ROBO2: variants seen among roughly 807,000 people sequenced by gnomAD.
ROBO2 encodes the protein roundabout homolog 2.
Under a neutral mutation model 160.8 loss-of-function variants are expected in ROBO2, and 53 were observed. The observed-to-expected ratio is 0.33, with a 90% CI of 0.26 to 0.41. The LOEUF (loss-of-function observed/expected upper bound fraction) is 0.41, where lower values mean the gene tolerates loss of function less well. ROBO2 is among the 10% of genes least tolerant of loss of function. ROBO2 has a pLI of 1.00. For missense variants in ROBO2, 1,577 were observed against 1,722.4 expected, an observed-to-expected ratio of 0.92 and a Z score of 1.49; for synonymous variants, 664 against 611.7, an observed-to-expected ratio of 1.09 and a Z score of -1.26.
At chr3:76,190,601 T>C (rs945217059) in intron 2 of ROBO2, among the ~76,000 whole-genome samples, 1 of 152,158 alleles carries the variant, frequency 6.6e-6, no homozygotes, top group African/African-American at 2.4e-5. Flanking sequence ...CATGAACTCA[T>C]TTGACACCAT....
intron 2 of ROBO2, among the ~76,000 whole-genome samples, chr3:76,775,096 TGAAG>T (rs1233842946): frequency 6.6e-6 from 1 of 150,732 alleles, no homozygotes. Context: ...TTTTCTAAAA[TGAAG>T]GAAAATTTCA....
At chr3:77,120,922 G>A (rs1238131389) in intron 2 of ROBO2, among the ~76,000 whole-genome samples, 1 of 151,984 alleles carries the variant, frequency 6.6e-6, no homozygotes, top group Non-Finnish European at 1.5e-5. Context: ...GCAAATTAAT[G>A]GTGGAAAGAA....
At chr3:77,173,532 CT>C (rs1287936567) in intron 2 of ROBO2, among the ~76,000 whole-genome samples, 1 of 151,990 alleles carries the variant, frequency 6.6e-6, no homozygotes, top group African/African-American at 2.4e-5. Context: ...TTGAGCTTTG[CT>C]TGGCCACTTA....
intron 1 of ROBO2, among the ~76,000 whole-genome samples, chr3:77,071,900 T>C (rs1210309592): frequency 6.6e-6 from 1 of 152,114 alleles, no homozygotes; most frequent in African/African-American, 2.4e-5. Context: ...CTAGCTACAC[T>C]GACATTATTC....
intron 2 of ROBO2, among the ~76,000 whole-genome samples, chr3:76,484,064 C>A (rs2079358941): frequency 6.6e-6 from 1 of 152,098 alleles, no homozygotes; most frequent in Non-Finnish European, 1.5e-5. Context: ...GATTTACATT[C>A]TTTTGGGTAT....
chr3:77,124,879 A>C (rs2075165774), intron 2 of ROBO2, among the ~76,000 whole-genome samples: 1 of 148,948 alleles, frequency 6.7e-6, no homozygotes, highest in Non-Finnish European at 1.5e-5. Context: ...CTCTATCTTT[A>C]TTCTCCCTTT....
At chr3:76,479,084 C>G (rs569572907) in intron 2 of ROBO2, among the ~76,000 whole-genome samples, 1 of 152,238 alleles carries the variant, frequency 6.6e-6, no homozygotes, top group South Asian at 2.1e-4. Flanking sequence ...CTGGTTCTCA[C>G]CTGCCTTTGT....
chr3:77,545,799 A>G (rs1286920092), intron 6 of ROBO2, among the ~76,000 whole-genome samples: 1 of 152,088 alleles, frequency 6.6e-6, no homozygotes, highest in African/African-American at 2.4e-5. Context: ...CATCTCTTCA[A>G]TTCTTCAATG....
chr3:76,943,327 T>C (rs200124754), intron 2 of ROBO2, among the ~76,000 whole-genome samples: 1 of 152,186 alleles, frequency 6.6e-6, no homozygotes, highest in Non-Finnish European at 1.5e-5. Flanking sequence ...TTAGTAGTTG[T>C]GTCCCCAGAC....
At chr3:77,520,454 T>G (rs545029733) in intron 5 of ROBO2, among the ~76,000 whole-genome samples, 2 of 151,304 alleles carry the variant, frequency 1.3e-5, no homozygotes, top group African/African-American at 4.8e-5. Flanking sequence ...GCAATAATTT[T>G]TTTTAACTGG....
intron 5 of ROBO2, among the ~76,000 whole-genome samples, chr3:77,511,740 G>A (rs1387407703): frequency 1.3e-5 from 2 of 151,910 alleles, no homozygotes; most frequent in African/African-American, 4.8e-5. Flanking sequence ...GACAAGATAA[G>A]GATGCCATCA....
intron 2 of ROBO2, among the ~76,000 whole-genome samples, chr3:76,379,463 A>G (rs557403429): frequency 4.6e-5 from 7 of 152,282 alleles, no homozygotes; most frequent in Middle Eastern, 6.8e-3. Flanking sequence ...ATGTCCTTGT[A>G]TACATTTCAG....
chr3:76,916,551 G>T (rs534494829), intron 2 of ROBO2, among the ~76,000 whole-genome samples: 2 of 134,872 alleles, frequency 1.5e-5, no homozygotes, highest in South Asian at 4.8e-4. Flanking sequence ...GTCTCATTTT[G>T]TTACGGAAAT....
intron 2 of ROBO2, among the ~76,000 whole-genome samples, chr3:76,159,225 G>C (rs971704544): frequency 6.6e-6 from 1 of 152,116 alleles, no homozygotes; most frequent in African/African-American, 2.4e-5. Flanking sequence ...TATTAAGTTG[G>C]GAGTGCTGTA....
At chr3:77,428,811 G>A (rs1157930314) in intron 2 of ROBO2, among the ~76,000 whole-genome samples, 12 of 152,208 alleles carry the variant, frequency 7.9e-5, no homozygotes, top group Non-Finnish European at 4.4e-5. Context: ...TGCATGCCAA[G>A]ATTATATTGG....
chr3:76,174,256 G>T, intron 2 of ROBO2, among the ~76,000 whole-genome samples: 1 of 152,212 alleles, frequency 6.6e-6, no homozygotes, highest in East Asian at 1.9e-4. Context: ...GTAGATTCTG[G>T]ATTTTAGACC....
rs372550683 is a variant in ROBO2, at chr3:77,574,499, G to A, written c.1972G>A (p.Val658Ile). Residue 658 changes from valine to isoleucine, a missense_variant and splice_region_variant, in exon 14 of 26, where the codon GTT becomes ATT. Val to Ile is a conservative substitution (Grantham distance 29). Coordinates refer to ENST00000461745, the Ensembl canonical transcript of ROBO2. ...AAATGCCCTTAACTATGTTTTTCAG[G>A]TTGATCGCCAACCCCAGTTTATCCA... is the stretch of plus-strand genomic sequence containing the variant. 6 of 1,612,884 alleles carry A rather than the reference G, an allele frequency of 3.7e-6. No individual in the cohort carries two copies. The Admixed American group carries it at 6.7e-5, about 18-fold the overall frequency.
chr3:76,649,020 C>G (rs993493476), intron 2 of ROBO2, among the ~76,000 whole-genome samples: 22 of 151,886 alleles, frequency 1.4e-4, no homozygotes, highest in African/African-American at 5.3e-4. Flanking sequence ...TGATGCAGTA[C>G]GTCAGGAAAT....
At chr3:76,190,606 C>T (rs1701963836) in intron 2 of ROBO2, among the ~76,000 whole-genome samples, 2 of 152,030 alleles carry the variant, frequency 1.3e-5, no homozygotes, top group Admixed American at 6.6e-5. Context: ...ACTCATTTGA[C>T]ACCATGTTAA....
Sources: gnomAD v4.1 joint callset for allele counts (sites outside exome capture counted in the v4.1 genomes callset) on GRCh38, gnomAD v4.1.1 for gene constraint, MANE v1.5 for transcripts, NCBI Gene and HGNC (gene_info 2026-07-23, HGNC 2026-07-21) for gene names.